NPAS3: variants seen among roughly 807,000 people sequenced by gnomAD.
NPAS3 encodes neuronal PAS domain protein 3.
In NPAS3, 14 loss-of-function variants were observed where a neutral mutation model predicts 73.1. That is an observed-to-expected ratio of 0.19 (90% CI 0.13 to 0.30). The LOEUF is 0.30. NPAS3 is among the 10% of genes least tolerant of loss of function. The pLI is 1.00. For synonymous variants in NPAS3, 620 were observed against 541.5 expected (o/e 1.14, Z -2.01); for missense variants, 1,096 against 1,250.0 (o/e 0.88, Z 1.86).
At chr14:33,051,264 G>C (rs961884507) in intron 1 of NPAS3, among the ~76,000 whole-genome samples, 18 of 116,382 alleles carry the variant, frequency 1.5e-4, no homozygotes, top group Non-Finnish European at 2.8e-4. Context: ...CTGGGCAACA[G>C]AGCGAGACTC....
chr14:32,949,767 C>T (rs901044691), intron 1 of NPAS3, among the ~76,000 whole-genome samples: 2 of 151,808 alleles, frequency 1.3e-5, no homozygotes, highest in Non-Finnish European at 2.9e-5. Context: ...AAAAGTCCAG[C>T]CCTATGCTTT....
chr14:33,228,720 T>C (rs1023693505), intron 3 of NPAS3, among the ~76,000 whole-genome samples: 1 of 152,064 alleles, frequency 6.6e-6, no homozygotes, highest in Non-Finnish European at 1.5e-5. Context: ...TATAAGCCAC[T>C]AGGAGGGAGT....
At position 33,102,707 on chromosome 14, in the gene NPAS3, G is replaced by A. The variant is rs145247664; in HGVS notation, c.140+46713G>A. Among the ~76,000 whole-genome samples, 11 of 152,298 alleles carry A rather than the reference G, an allele frequency of 7.2e-5. No individual in the cohort carries two copies. The East Asian group carries it at 2.1e-3, about 29-fold the overall frequency. ...AGCATAGCTAGGAATGGGAATGGAA[G>A]TGGGAAGAGGGGAAGGAAGACACTG... On this transcript the variant is annotated intron_variant, in intron 2 of 11. Coordinates refer to ENST00000356141, the Ensembl canonical transcript of NPAS3.
At chr14:33,062,004 C>T (rs2041119658) in intron 2 of NPAS3, among the ~76,000 whole-genome samples, 1 of 152,054 alleles carries the variant, frequency 6.6e-6, no homozygotes, top group African/African-American at 2.4e-5. Flanking sequence ...GCAAAGGACA[C>T]AGGCAGAAGT....
intron 4 of NPAS3, among the ~76,000 whole-genome samples, chr14:33,437,347 T>C (rs1410328922): frequency 6.6e-6 from 1 of 152,178 alleles, no homozygotes; most frequent in Non-Finnish European, 1.5e-5. Context: ...CTTGCCTGCT[T>C]GGGGAAGAGG....
intron 2 of NPAS3, among the ~76,000 whole-genome samples, chr14:33,089,350 A>G (rs1284215341): frequency 6.6e-6 from 1 of 152,246 alleles, no homozygotes; most frequent in Non-Finnish European, 1.5e-5. Context: ...TATGTGATGA[A>G]TGCACAAGCC....
intron 5 of NPAS3, among the ~76,000 whole-genome samples, chr14:33,668,008 A>G (rs1229427399): frequency 6.6e-6 from 1 of 152,108 alleles, no homozygotes; most frequent in Non-Finnish European, 1.5e-5. Context: ...TCAACCCATT[A>G]GATAAGATTT....
At chr14:33,746,199 A>ATTTATTTATTTT (rs571026434) in intron 7 of NPAS3, among the ~76,000 whole-genome samples, 39 of 149,024 alleles carry the variant, frequency 2.6e-4, no homozygotes, top group African/African-American at 9.6e-4. Context: ...TTATTTATTT[A>ATTTATTTATTTT]TTTTTTTGAG....
Position 33,381,732 on chromosome 14 carries a change from G to T in NPAS3, c.468+14464G>T, listed in dbSNP as rs10148681. On this transcript the variant is annotated intron_variant, in intron 4 of 11. Coordinates refer to ENST00000356141, the Ensembl canonical transcript of NPAS3. ...TTCAAGTGACATACTTTAAGCTGTG[G>T]TTTCAATGGAAACAAGAGGACATGC... Among the ~76,000 whole-genome samples, 1,309 of 152,244 alleles carry T rather than the reference G, an allele frequency of 8.6e-3. 20 individuals carry two copies. Among genetic ancestry groups the T allele is most frequent in the African/African-American group, 0.03 (1,242 of 41,540 alleles).
At chr14:33,730,826 A>T (rs544498756) in intron 6 of NPAS3, among the ~76,000 whole-genome samples, 1 of 152,360 alleles carries the variant, frequency 6.6e-6, no homozygotes, top group South Asian at 2.1e-4. Context: ...TGCAAAATGA[A>T]CCAACACCTC....
chr14:33,422,883 T>C (rs2048412380), intron 4 of NPAS3, among the ~76,000 whole-genome samples: 1 of 152,004 alleles, frequency 6.6e-6, no homozygotes, highest in Non-Finnish European at 1.5e-5. Flanking sequence ...AATGGAATAG[T>C]GGAATTTTAA....
chr14:33,720,040 A>G (rs748499111), intron 6 of NPAS3, among the ~76,000 whole-genome samples: 1 of 152,216 alleles, frequency 6.6e-6, no homozygotes, highest in Non-Finnish European at 1.5e-5. Flanking sequence ...ATTGCCAAAT[A>G]TAAGTTCCAA....
At chr14:33,222,284 A>C (rs568278407) in intron 3 of NPAS3, among the ~76,000 whole-genome samples, 2 of 152,326 alleles carry the variant, frequency 1.3e-5, no homozygotes, top group South Asian at 4.1e-4. Context: ...ATGCACCTTC[A>C]GGAGGAAATA....
intron 2 of NPAS3, among the ~76,000 whole-genome samples, chr14:33,199,033 A>G (rs2046502281): frequency 6.6e-6 from 1 of 152,092 alleles, no homozygotes; most frequent in Non-Finnish European, 1.5e-5. Context: ...GGCCGCTCCA[A>G]GTGTGGGGCC....
intron 2 of NPAS3, among the ~76,000 whole-genome samples, chr14:33,104,712 A>G (rs2042671122): frequency 6.6e-6 from 1 of 152,206 alleles, no homozygotes; most frequent in African/African-American, 2.4e-5. Context: ...CATTAAGTTC[A>G]TTAGGTGCAA....
intron 3 of NPAS3, among the ~76,000 whole-genome samples, chr14:33,236,522 A>T (rs2048039455): frequency 6.6e-6 from 1 of 152,124 alleles, no homozygotes; most frequent in Admixed American, 6.6e-5. Flanking sequence ...TGATATAAAA[A>T]ATTTGGAAAG....
chr14:33,294,138 G>A (rs1279082600), intron 3 of NPAS3, among the ~76,000 whole-genome samples: 1 of 152,110 alleles, frequency 6.6e-6, no homozygotes, highest in Non-Finnish European at 1.5e-5. Flanking sequence ...GGAAAGGGTT[G>A]GAGAGGTTTC....
At chr14:33,519,371 ACT>A (rs1220040215) in intron 4 of NPAS3, among the ~76,000 whole-genome samples, 1 of 151,538 alleles carries the variant, frequency 6.6e-6, no homozygotes, top group Non-Finnish European at 1.5e-5. Context: ...TTTTCCTGGG[ACT>A]CTGCTTATGC....
intron 1 of NPAS3, among the ~76,000 whole-genome samples, chr14:33,033,973 CAATT>C (rs1356964873): frequency 6.6e-6 from 1 of 152,114 alleles, no homozygotes; most frequent in African/African-American, 2.4e-5. Context: ...ATATCAAAAA[CAATT>C]TATTATAAAT....
Sources: gnomAD v4.1 joint callset for allele counts (sites outside exome capture counted in the v4.1 genomes callset) on GRCh38, gnomAD v4.1.1 for gene constraint, MANE v1.5 for transcripts, NCBI Gene and HGNC (gene_info 2026-07-23, HGNC 2026-07-21) for gene names.